The following DCLK1 variants were observed in gnomAD, a reference collection of about 807,000 sequenced individuals.
The protein encoded by DCLK1 is doublecortin like kinase 1, also known as serine/threonine-protein kinase DCLK1.
Under a neutral mutation model 86.2 loss-of-function variants are expected in DCLK1, and 16 were observed. The ratio of observed to expected loss-of-function variants is 0.19; its 90% CI spans 0.13 to 0.28. DCLK1 has a LOEUF of 0.28. Among genes scored for constraint, DCLK1 ranks in the 10% least tolerant of loss-of-function variants. The probability of loss-of-function intolerance (pLI) is 1.00; values close to 1 mark genes in which losing one functional copy is unlikely to be tolerated. For synonymous variants in DCLK1, 369 were observed against 370.5 expected, an observed-to-expected ratio of 1.00 and a Z score of 0.05; for missense variants, 590 against 940.2, an observed-to-expected ratio of 0.63 and a Z score of 4.87.
chr13:35,893,201 C>T (rs1257922523), intron 4 of DCLK1, among the ~76,000 whole-genome samples: 1 of 152,134 alleles, frequency 6.6e-6, no homozygotes, highest in Non-Finnish European at 1.5e-5. Context: ...GGCAAGGAGT[C>T]CAGCAGAGGT....
chr13:35,971,491 A>G (rs544341581), intron 3 of DCLK1, among the ~76,000 whole-genome samples: 3 of 152,308 alleles, frequency 2.0e-5, no homozygotes, highest in Admixed American at 1.3e-4. Flanking sequence ...GGCCAGGTGC[A>G]GTGGCTCACG....
intron 11 of DCLK1, among the ~76,000 whole-genome samples, chr13:35,818,767 C>T (rs1462026908): frequency 6.6e-6 from 1 of 151,604 alleles, no homozygotes; most frequent in African/African-American, 2.4e-5. Context: ...CTAGTGGTGA[C>T]TTGTGTAAAC....
chr13:36,031,473 A>G (rs9546205), intron 3 of DCLK1, among the ~76,000 whole-genome samples: 7,179 of 152,312 alleles, frequency 0.047, 174 homozygotes, highest in Middle Eastern at 0.092. Context: ...GTACATATAT[A>G]TGTGTGTATG....
intron 4 of DCLK1, among the ~76,000 whole-genome samples, chr13:35,925,885 T>C (rs1329605993): frequency 6.6e-6 from 1 of 152,158 alleles, no homozygotes; most frequent in Non-Finnish European, 1.5e-5. Context: ...ATCCAAGATA[T>C]GCAGTGTAAT....
chr13:35,963,148 C>T (rs992419246), intron 3 of DCLK1, among the ~76,000 whole-genome samples: 1 of 152,204 alleles, frequency 6.6e-6, no homozygotes, highest in African/African-American at 2.4e-5. Flanking sequence ...CCTAGCATCT[C>T]TGAGTGCCGG....
At chr13:35,904,159 A>G (rs908631733) in intron 4 of DCLK1, among the ~76,000 whole-genome samples, 2 of 152,192 alleles carry the variant, frequency 1.3e-5, no homozygotes, top group Admixed American at 6.5e-5. Flanking sequence ...AGCTCAAAGT[A>G]TCATACAACA....
intron 3 of DCLK1, among the ~76,000 whole-genome samples, chr13:36,040,552 A>G (rs1882667101): frequency 6.6e-6 from 1 of 151,554 alleles, no homozygotes; most frequent in Non-Finnish European, 1.5e-5. Context: ...TGTTGACTCT[A>G]TTCACCTGGC....
chr13:36,024,621 T>C (rs1284471438), intron 3 of DCLK1, among the ~76,000 whole-genome samples: 1 of 152,198 alleles, frequency 6.6e-6, no homozygotes, highest in East Asian at 1.9e-4. Flanking sequence ...TGTTCATGGA[T>C]TTGAAGATGT....
intron 4 of DCLK1, among the ~76,000 whole-genome samples, chr13:35,937,678 G>A (rs1876840086): frequency 6.6e-6 from 1 of 152,082 alleles, no homozygotes; most frequent in Non-Finnish European, 1.5e-5. Flanking sequence ...GCCAAGAAAG[G>A]AACTTCCAGC....
chr13:35,779,538 G>A (rs1007094794), intron 16 of DCLK1, among the ~76,000 whole-genome samples: 8 of 152,004 alleles, frequency 5.3e-5, no homozygotes, highest in African/African-American at 1.7e-4. Context: ...TAGTGAATAC[G>A]GCATTATTTT....
intron 4 of DCLK1, among the ~76,000 whole-genome samples, chr13:35,929,704 G>T (rs1055792145): frequency 6.6e-6 from 1 of 152,096 alleles, no homozygotes; most frequent in African/African-American, 2.4e-5. Context: ...CTTTTCTTCA[G>T]CTGTGTCCTC....
chr13:36,038,849 A>T (rs1486767165), intron 3 of DCLK1, among the ~76,000 whole-genome samples: 1 of 152,192 alleles, frequency 6.6e-6, no homozygotes, highest in East Asian at 1.9e-4. Flanking sequence ...ATGTGTTCAA[A>T]TATCTAGGAG....
At chr13:35,990,502 C>G (rs117778369) in intron 3 of DCLK1, among the ~76,000 whole-genome samples, 2 of 152,008 alleles carry the variant, frequency 1.3e-5, no homozygotes, top group Non-Finnish European at 2.9e-5. Flanking sequence ...GGATACCTCT[C>G]CACCCCAGGT....
At chr13:36,028,450 C>T (rs1882130511) in intron 3 of DCLK1, among the ~76,000 whole-genome samples, 1 of 152,178 alleles carries the variant, frequency 6.6e-6, no homozygotes, top group African/African-American at 2.4e-5. Flanking sequence ...ACCTCTCCAG[C>T]TTCATATGAG....
At chr13:36,025,134 A>G (rs2153151730) in intron 3 of DCLK1, among the ~76,000 whole-genome samples, 1 of 151,952 alleles carries the variant, frequency 6.6e-6, no homozygotes, top group South Asian at 2.1e-4. Flanking sequence ...TGCCTGGCTA[A>G]TTTTTGTATT....
At chr13:36,064,256 C>A (rs1239265076) in intron 3 of DCLK1, among the ~76,000 whole-genome samples, 1 of 152,184 alleles carries the variant, frequency 6.6e-6, no homozygotes, top group Admixed American at 6.5e-5. Flanking sequence ...CAGCAAATGT[C>A]CAGAAGGAAA....
At chr13:35,889,999 AT>A (rs1196601423) in intron 4 of DCLK1, among the ~76,000 whole-genome samples, 9 of 152,132 alleles carry the variant, frequency 5.9e-5, no homozygotes, top group Non-Finnish European at 1.3e-4. Flanking sequence ...ATCCGAACAG[AT>A]TTTAACAGTG....
At chr13:36,108,287 T>G (rs1885476558) in intron 3 of DCLK1, among the ~76,000 whole-genome samples, 2 of 152,198 alleles carry the variant, frequency 1.3e-5, no homozygotes, top group Non-Finnish European at 2.9e-5. Flanking sequence ...TGCTCACACA[T>G]AGGCTGCTTA....
intron 4 of DCLK1, among the ~76,000 whole-genome samples, chr13:35,933,201 G>A (rs1041374670): frequency 1.3e-5 from 2 of 152,168 alleles, no homozygotes; most frequent in South Asian, 2.1e-4. Flanking sequence ...CATGGTTTTC[G>A]GCAGCTCTGG....
Sources: gnomAD v4.1 joint callset for allele counts (sites outside exome capture counted in the v4.1 genomes callset) on GRCh38, gnomAD v4.1.1 for gene constraint, MANE v1.5 for transcripts, NCBI Gene and HGNC (gene_info 2026-07-23, HGNC 2026-07-21) for gene names.